The following TOPBP1 variants were observed in gnomAD, a reference collection of about 807,000 sequenced individuals.
TOPBP1 encodes the protein DNA topoisomerase II binding protein 1, also known as DNA topoisomerase 2-binding protein 1.
In TOPBP1, 28 loss-of-function variants were observed where a neutral mutation model predicts 167.7. The ratio of observed to expected loss-of-function variants is 0.17; its 90% CI spans 0.12 to 0.23. The LOEUF (loss-of-function observed/expected upper bound fraction) is 0.23, where lower values mean the gene tolerates loss of function less well. TOPBP1 is among the 10% of genes least tolerant of loss of function. The pLI, the probability that TOPBP1 is intolerant of heterozygous loss-of-function variation, is 1.00. For synonymous variants in TOPBP1, 598 were observed against 611.4 expected, an observed-to-expected ratio of 0.98 and a Z score of 0.32; for missense variants, 1,554 against 1,809.6, an observed-to-expected ratio of 0.86 and a Z score of 2.56.
chr3:133,614,332 G>A (rs921967759), intron 23 of TOPBP1, among the ~76,000 whole-genome samples: 4 of 151,938 alleles, frequency 2.6e-5, no homozygotes, highest in African/African-American at 9.7e-5. Context: ...GTGACAAAAA[G>A]ACAAGAAGGT....
At chr3:133,632,759 A>G (rs1935530362) in intron 14 of TOPBP1, among the ~76,000 whole-genome samples, 1 of 151,962 alleles carries the variant, frequency 6.6e-6, no homozygotes, top group African/African-American at 2.4e-5. Flanking sequence ...TGGCAGTTAC[A>G]CTGGCATATA....
chr3:133,618,984 C>T (rs1373166119), intron 20 of TOPBP1, among the ~76,000 whole-genome samples: 2 of 151,772 alleles, frequency 1.3e-5, no homozygotes, highest in African/African-American at 2.4e-5. Context: ...CAGGGAAGTG[C>T]ATTTTATGGT....
intron 24 of TOPBP1, among the ~76,000 whole-genome samples, 159 bp from the exon 25 acceptor site, chr3:133,611,300 A>G (rs1260529047): frequency 1.3e-5 from 2 of 152,228 alleles, no homozygotes; most frequent in African/African-American, 4.8e-5. Flanking sequence ...TTTTATGAGC[A>G]TGGAGGAAAT....
At chr3:133,652,739 G>GT in intron 7 of TOPBP1, 110 bp from the exon 8 acceptor site, 1 of 875,190 alleles carries the variant, frequency 1.1e-6, no homozygotes, top group Non-Finnish European at 1.7e-6. Flanking sequence ...AACTTCCAAA[G>GT]TAAGATTCAG....
intron 12 of TOPBP1, 45 bp from the exon 13 acceptor site, chr3:133,640,215 T>C (rs1343390978): frequency 6.6e-7 from 1 of 1,525,738 alleles, no homozygotes; most frequent in African/African-American, 1.4e-5. Context: ...CATATACAAT[T>C]AACCCGCAAA....
intron 16 of TOPBP1, among the ~76,000 whole-genome samples, chr3:133,625,123 C>T (rs192056049): frequency 1.3e-5 from 2 of 152,158 alleles, no homozygotes; most frequent in South Asian, 2.1e-4. Flanking sequence ...TACGCCACCA[C>T]ACCCAGCTAA....
At position 133,659,041 on chromosome 3, in the gene TOPBP1, C is replaced by T; in HGVS notation, c.194G>A (p.Gly65Asp). ...RSLYICDPFSGVVFDHLKKLG... is the reference protein window; with the variant it reads ...RSLYICDPFSDVVFDHLKKLG... ...CTTTTTGAGGTGATCAAAGACAACG[C>T]CACTAAAAGGGTCACAGATATAAAG... is the stretch of plus-strand genomic sequence containing the variant. The change falls in exon 3 of 28, where the codon GGC becomes GAC. Residue 65 changes from glycine (G) to aspartate (D), a missense_variant. This residue lies in a region of TOPBP1 where 1,197 missense variants were observed against 1,351.5 expected (regional missense o/e 0.89). Coordinates refer to ENST00000260810, the MANE Select transcript of TOPBP1 (RefSeq NM_007027.4). 6.2e-7 allele frequency: 1 copy of T among 1,600,690 alleles called. No homozygotes were observed.
chr3:133,605,463 T>A (rs1934458706), intron 27 of TOPBP1, among the ~76,000 whole-genome samples: 1 of 143,108 alleles, frequency 7.0e-6, no homozygotes, highest in African/African-American at 2.7e-5. Flanking sequence ...CAAGTGGGAC[T>A]GATACATGAA....
chr3:133,623,066 T>C lies in TOPBP1; in HGVS notation c.3178+25A>G, dbSNP rs777761870. ...AGACCTTGTCTCAAAAAAAATTTTT[T>C]TAATTAAAAAATAAAATATTTTACC... On this transcript the variant is annotated intron_variant, in intron 19 of 27. Coordinates refer to ENST00000260810, the MANE Select transcript of TOPBP1 (RefSeq NM_007027.4). 1.1e-5 allele frequency: 16 copies of C among 1,435,900 alleles called. No homozygotes were observed. In the African/African-American group the frequency reaches 2.3e-4, roughly 21 times the overall value. 88.9% of individuals were successfully genotyped at this position (1,435,900 alleles called of 1,614,324 possible). A position where few individuals can be genotyped will look rare whatever the true frequency, so the allele number is the denominator to read the frequency against.
At chr3:133,608,246 G>A (rs572488362) in intron 27 of TOPBP1, among the ~76,000 whole-genome samples, 3 of 152,186 alleles carry the variant, frequency 2.0e-5, no homozygotes, top group Non-Finnish European at 2.9e-5. Context: ...TCCTGGAATC[G>A]ATTTCTGCTT....
intron 5 of TOPBP1, among the ~76,000 whole-genome samples, chr3:133,656,459 C>T (rs1425458750): frequency 6.6e-6 from 1 of 152,214 alleles, no homozygotes; most frequent in Non-Finnish European, 1.5e-5. Context: ...ATTTCCTACT[C>T]TGTAGCTAAT....
chr3:133,643,170 T>C (rs759540882), intron 12 of TOPBP1, 30 bp downstream of exon 12: 1 of 1,519,144 alleles, frequency 6.6e-7, no homozygotes. Context: ...GATACACCAA[T>C]ACAACAGGTG....
intron 20 of TOPBP1, among the ~76,000 whole-genome samples, chr3:133,619,370 A>T (rs1935010150): frequency 6.6e-6 from 1 of 152,196 alleles, no homozygotes; most frequent in South Asian, 2.1e-4. Flanking sequence ...CAGTTAGCGT[A>T]AGATAAATGC....
intron 14 of TOPBP1, 54 bp from the exon 15 acceptor site, chr3:133,628,787 G>A: frequency 6.6e-7 from 1 of 1,505,290 alleles, no homozygotes; most frequent in Non-Finnish European, 9.0e-7. Flanking sequence ...AGAGAGAGAA[G>A]CAAGATGGGT....
At position 133,641,195 on chromosome 3, in the gene TOPBP1, T is replaced by C. The variant is rs76048908; in HGVS notation, c.2022-1025A>G. On this transcript the variant is annotated intron_variant, in intron 12 of 27. Coordinates refer to ENST00000260810, the MANE Select transcript of TOPBP1 (RefSeq NM_007027.4). ...ATATGAGATACTGCTCCAACTTTAA[T>C]GAATCCTATTTATTGAATAAGCCAT... Among the ~76,000 whole-genome samples, 113 of 152,322 alleles carry C rather than the reference T, an allele frequency of 7.4e-4. 1 individual carries two copies. In the East Asian group the frequency reaches 0.02, roughly 27 times the overall value.
At chr3:133,625,590 G>A (rs979370526) in intron 16 of TOPBP1, among the ~76,000 whole-genome samples, 9 of 152,024 alleles carry the variant, frequency 5.9e-5, no homozygotes, top group African/African-American at 1.9e-4. Context: ...AATTAGCCGG[G>A]TGTGGTGGCG....
intron 27 of TOPBP1, among the ~76,000 whole-genome samples, chr3:133,607,916 A>C (rs1934543842): frequency 6.6e-6 from 1 of 152,198 alleles, no homozygotes; most frequent in Admixed American, 6.5e-5. Flanking sequence ...CACAAAGCTG[A>C]CTTTGAGTGT....
chr3:133,643,518 T>G, intron 11 of TOPBP1, 146 bp from the exon 12 acceptor site: 1 of 610,694 alleles, frequency 1.6e-6, no homozygotes, highest in Non-Finnish European at 2.8e-6. Context: ...TCTCAATACA[T>G]TTCATATCAT....
intron 23 of TOPBP1, among the ~76,000 whole-genome samples, chr3:133,615,765 A>C (rs1934850310): frequency 6.6e-6 from 1 of 152,028 alleles, no homozygotes; most frequent in Non-Finnish European, 1.5e-5. Flanking sequence ...AGTTCATTTC[A>C]CTTGTTTCAT....
Sources: allele counts gnomAD v4.1 joint callset (sites outside exome capture counted in the v4.1 genomes callset), GRCh38; gene constraint gnomAD v4.1.1; regional missense constraint gnomAD v4.1.1; transcripts MANE v1.5; gene names NCBI Gene and HGNC (gene_info 2026-07-23, HGNC 2026-07-21).